Variants in LITAF observed in about 807,000 individuals in gnomAD.
The protein encoded by LITAF is lipopolysaccharide-induced tumor necrosis factor-alpha factor.
A neutral mutation model predicts 14.5 loss-of-function variants in LITAF; 9 were observed. The observed-to-expected ratio is 0.62, with a 90% confidence interval of 0.37 to 1.08. LITAF has a LOEUF of 1.08. Among genes scored for constraint, LITAF ranks in the 50% least tolerant of loss-of-function variants. The pLI is 0.01. For synonymous variants in LITAF, 98 were observed against 88.2 expected (o/e 1.11, Z -0.62); for missense variants, 206 against 213.4 (o/e 0.97, Z 0.22).
At chr16:11,614,977 C>T (rs891526355) in intron 3 of LITAF, among the ~76,000 whole-genome samples, 1 of 152,174 alleles carries the variant, frequency 6.6e-6, no homozygotes, top group Non-Finnish European at 1.5e-5. Flanking sequence ...CAGATGGGGC[C>T]GGGTCTGAGT....
chr16:11,621,780 G>T (rs1259818741), intron 3 of LITAF, among the ~76,000 whole-genome samples: 2 of 152,008 alleles, frequency 1.3e-5, no homozygotes, highest in African/African-American at 2.4e-5. Context: ...CTTCCCAACT[G>T]CTTGTGCTTC....
intron 1 of LITAF, among the ~76,000 whole-genome samples, chr16:11,578,054 C>T (rs1038153876): frequency 6.6e-6 from 1 of 152,144 alleles, no homozygotes; most frequent in Admixed American, 6.5e-5. Flanking sequence ...CACCACCACA[C>T]TCAGCGATTT....
Position 11,553,391 on chromosome 16 carries a change from A to G in LITAF, c.377+142T>C. 1.1e-6 allele frequency: 1 copy of G among 928,678 alleles called. No homozygotes were observed. The allele number at this position is 928,678 out of a possible 1,614,324, so 57.5% of individuals were successfully genotyped here. ...GCCCCACTGTACTCCAGCCTGGGCGACAGAACCAGATTCCATCTCAAAAAA... is the reference window on the plus strand; with the variant it reads ...GCCCCACTGTACTCCAGCCTGGGCGGCAGAACCAGATTCCATCTCAAAAAA... On this transcript the variant is annotated intron_variant, in intron 3 of 3. Coordinates refer to ENST00000622633, the MANE Select transcript of LITAF (RefSeq NM_001136472.2). This position sits in a 1 kb window ranked among gnomAD's most constrained non-coding sequence, Gnocchi z 7.7.
upstream of LITAF, among the ~76,000 whole-genome samples, chr16:11,602,760 C>CAAAAAAAA (rs35880448): frequency 8.8e-6 from 1 of 114,226 alleles, no homozygotes; most frequent in Non-Finnish European, 1.8e-5. Flanking sequence ...TGGCTTGTTG[C>CAAAAAAAA]AAAAAAAAAA....
intron 3 of LITAF, among the ~76,000 whole-genome samples, chr16:11,625,221 G>T (rs1020473796): frequency 6.6e-6 from 1 of 152,000 alleles, no homozygotes; most frequent in East Asian, 1.9e-4. Flanking sequence ...ACTGTGGTCC[G>T]GTGTGATGGT....
chr16:11,597,915 T>C (rs533222529), intron 1 of LITAF, among the ~76,000 whole-genome samples: 1 of 152,224 alleles, frequency 6.6e-6, no homozygotes, highest in African/African-American at 2.4e-5. Flanking sequence ...TGCTTTCTTT[T>C]TTCTTTGTAG....
Position 11,553,455 on chromosome 16 carries a change from T to G in LITAF, c.377+78A>C, listed in dbSNP as rs1597329002. The G allele has an allele frequency of 1.4e-6, 2 of 1,449,170 alleles. No individual in the cohort carries two copies. The highest frequency in any genetic ancestry group is 2.8e-5 in the African/African-American group (2 of 71,406). The allele number at this position is 1,449,170 out of a possible 1,614,324, so 89.8% of individuals were successfully genotyped here. A position where few individuals can be genotyped will look rare whatever the true frequency, so the allele number is the denominator to read the frequency against. ...GTCTGGCCCTGAATGTCAAGCATGG[T>G]GCAGTTGAGAACCCACCCCCGCCAG... On this transcript the variant is annotated intron_variant, in intron 3 of 3. Coordinates refer to ENST00000622633, the MANE Select transcript of LITAF (RefSeq NM_001136472.2). The surrounding 1 kb of genome is among the most constrained non-coding windows in gnomAD (Gnocchi z 7.7).
intron 3 of LITAF, among the ~76,000 whole-genome samples, chr16:11,613,486 T>G (rs976327649): frequency 6.6e-6 from 1 of 152,202 alleles, no homozygotes; most frequent in Non-Finnish European, 1.5e-5. Flanking sequence ...TTCCGCCTGT[T>G]TAGACCTGCC....
chr16:11,555,088 A>C (rs2064247870), intron 2 of LITAF, among the ~76,000 whole-genome samples: 1 of 151,988 alleles, frequency 6.6e-6, no homozygotes, highest in Non-Finnish European at 1.5e-5. Context: ...GCTGGAGTGC[A>C]GGGGTACAAT....
intron 1 of LITAF, among the ~76,000 whole-genome samples, chr16:11,574,902 A>G (rs958153575): frequency 1.3e-5 from 2 of 151,700 alleles, no homozygotes; most frequent in Non-Finnish European, 2.9e-5. Context: ...TCCCAGGTTC[A>G]AGCGATTCTC....
chr16:11,629,043 A>G (rs2065102575), intron 3 of LITAF: 1 of 151,262 alleles, frequency 6.6e-6, no homozygotes, highest in African/African-American at 2.5e-5. Context: ...TCCTGGCCTC[A>G]AGTAATCCTC....
Position 11,632,008 on chromosome 16 carries a change from A to G in LITAF, c.85+1525T>C, listed in dbSNP as rs547638911. On this transcript the variant is annotated intron_variant, in intron 3 of 3. Coordinates refer to the LITAF transcript ENST00000574848. This position sits in a 1 kb window ranked among gnomAD's most constrained non-coding sequence, Gnocchi z 4.8. Reference sequence around the variant, plus strand: ...CAGCCTCCTGAGTAGCTGGGATTACAGGTGTGCGCCACCACGCCCGGCTAA... The same window carrying G: ...CAGCCTCCTGAGTAGCTGGGATTACGGGTGTGCGCCACCACGCCCGGCTAA... Among the ~76,000 whole-genome samples, 3 of 152,100 alleles carry G rather than the reference A, an allele frequency of 2.0e-5. No homozygotes were observed. The highest frequency in any genetic ancestry group is 1.3e-4 in the Admixed American group (2 of 15,274).
intron 1 of LITAF, among the ~76,000 whole-genome samples, chr16:11,579,341 C>T (rs2064695045): frequency 1.3e-5 from 2 of 151,830 alleles, no homozygotes; most frequent in African/African-American, 2.4e-5. Context: ...GTCCCAGCTA[C>T]TCGGGAGGCT....
intron 3 of LITAF, among the ~76,000 whole-genome samples, chr16:11,625,425 G>C (rs2065077895): frequency 6.6e-6 from 1 of 152,152 alleles, no homozygotes; most frequent in East Asian, 1.9e-4. Flanking sequence ...ACCATGCCAG[G>C]CTCATTTACG....
chr16:11,565,314 C>G (rs1297082718), intron 1 of LITAF, among the ~76,000 whole-genome samples: 1 of 151,992 alleles, frequency 6.6e-6, no homozygotes, highest in Non-Finnish European at 1.5e-5. Flanking sequence ...AACTCCTAAC[C>G]TCAAGTGATC....
At chr16:11,590,650 C>T (rs771667211), upstream of LITAF, among the ~76,000 whole-genome samples, 3 of 118,002 alleles carry the variant, frequency 2.5e-5, 1 homozygote, top group African/African-American at 8.0e-5. Context: ...AGGCTAGCCA[C>T]GTTGATGTGT....
chr16:11,592,100 G>A (rs1236468254), upstream of LITAF, among the ~76,000 whole-genome samples: 1 of 152,166 alleles, frequency 6.6e-6, no homozygotes, highest in Non-Finnish European at 1.5e-5. Context: ...TAAATAAATT[G>A]GACTTCATCA....
Position 11,553,511 on chromosome 16 carries a change from G to T in LITAF, c.377+22C>A, listed in dbSNP as rs2064214928. 3 of 1,613,404 alleles carry T rather than the reference G, an allele frequency of 1.9e-6. No individual in the cohort carries two copies. Among genetic ancestry groups the T allele is most frequent in the Non-Finnish European group, 1.7e-6 (2 of 1,179,854 alleles). ...AGAGAGAAGGGCAGGATGGCTTGGG[G>T]CCAAGTGGGAGGCAGACTCACCCCA... On this transcript the variant is annotated intron_variant, in intron 3 of 3. Coordinates refer to ENST00000622633, the MANE Select transcript of LITAF (RefSeq NM_001136472.2). This position sits in a 1 kb window ranked among gnomAD's most constrained non-coding sequence, Gnocchi z 7.7.
At chr16:11,571,956 G>A (rs2064547530) in intron 1 of LITAF, among the ~76,000 whole-genome samples, 1 of 151,896 alleles carries the variant, frequency 6.6e-6, no homozygotes, top group African/African-American at 2.4e-5. Flanking sequence ...AGGCGTGGTG[G>A]TGCGCACCTG....
Sources: allele counts gnomAD v4.1 joint callset (sites outside exome capture counted in the v4.1 genomes callset), GRCh38; gene constraint gnomAD v4.1.1; non-coding constraint Gnocchi (gnomAD v3.1); transcripts MANE v1.5; gene names NCBI Gene and HGNC (gene_info 2026-07-23, HGNC 2026-07-21).